MYLK: variants seen among roughly 807,000 people sequenced by gnomAD.
MYLK encodes myosin light chain kinase, smooth muscle.
MYLK carries 106 observed loss-of-function variants against 203.4 expected under a neutral mutation model. That is an observed-to-expected ratio of 0.52 (90% CI 0.45 to 0.61). The LOEUF (loss-of-function observed/expected upper bound fraction) is 0.61, where lower values mean the gene tolerates loss of function less well. MYLK is among the 20% of genes least tolerant of loss of function. MYLK has a pLI of 0.00. For missense variants in MYLK, 2,072 were observed against 2,442.3 expected, an observed-to-expected ratio of 0.85 and a Z score of 3.20; for synonymous variants, 867 against 959.5, an observed-to-expected ratio of 0.90 and a Z score of 1.78.
intron 3 of MYLK, among the ~76,000 whole-genome samples, chr3:123,807,017 C>T (rs567295407): frequency 5.8e-4 from 88 of 152,190 alleles, no homozygotes; most frequent in Middle Eastern, 3.4e-3. Context: ...ACCCGAAGCT[C>T]AAAGACCAGG....
chr3:123,704,747 CAAAAAA>C (rs5852352), intron 16 of MYLK, among the ~76,000 whole-genome samples: 11 of 87,728 alleles, frequency 1.3e-4, no homozygotes, highest in African/African-American at 4.7e-4. Flanking sequence ...ACTAAAAATA[CAAAAAA>C]AAAAAAAAAA....
chr3:123,709,836 G>A lies in MYLK; in HGVS notation c.1862C>T (p.Thr621Ile). Residue 621 changes from threonine to isoleucine, a missense_variant, in exon 14 of 34, where the codon ACT becomes ATT. Thr to Ile is a moderately conservative substitution (Grantham distance 89). This residue lies in a region of MYLK where 865 missense variants were observed against 1,016.0 expected (regional missense o/e 0.85). Coordinates refer to ENST00000360304, the MANE Select transcript of MYLK (RefSeq NM_053025.4). ...YLLPVAPSKP[T>I]APIFLQGLSD... ...GAGGCCCTGCAGGAAGATGGGTGCA[G>A]TGGGCTTGCTGGGAGCCACAGGCAG... 1 of 1,614,242 alleles carries A rather than the reference G, an allele frequency of 6.2e-7. No homozygotes were observed. Among genetic ancestry groups the A allele is most frequent in the Non-Finnish European group, 8.5e-7 (1 of 1,180,048 alleles).
At chr3:123,772,633 AAT>A (rs1199872761) in intron 4 of MYLK, among the ~76,000 whole-genome samples, 1 of 152,116 alleles carries the variant, frequency 6.6e-6, no homozygotes. Context: ...AAATATTTCA[AAT>A]ATATGTGTAA....
At chr3:123,671,969 AGAG>A (rs1368643989) in intron 20 of MYLK, among the ~76,000 whole-genome samples, 1 of 152,136 alleles carries the variant, frequency 6.6e-6, no homozygotes, top group African/African-American at 2.4e-5. Context: ...ATCTCTGGAG[AGAG>A]GAGGCCATCT....
At chr3:123,652,426 T>A (rs1257424283) in intron 24 of MYLK, among the ~76,000 whole-genome samples, 3 of 152,164 alleles carry the variant, frequency 2.0e-5, no homozygotes, top group Non-Finnish European at 4.4e-5. Flanking sequence ...TGGGAGAGGA[T>A]CAGCTGAGTG....
chr3:123,850,192 T>C (rs1482766813), intron 2 of MYLK, among the ~76,000 whole-genome samples: 1 of 152,182 alleles, frequency 6.6e-6, no homozygotes, highest in Non-Finnish European at 1.5e-5. Context: ...TGAATAGTGT[T>C]GCAGTAAACA....
chr3:123,699,545 T>C (rs1201672250), intron 18 of MYLK, among the ~76,000 whole-genome samples: 1 of 152,226 alleles, frequency 6.6e-6, no homozygotes, highest in African/African-American at 2.4e-5. Flanking sequence ...ATCTGGTCAC[T>C]GCACACCGTT....
chr3:123,784,548 A>G (rs1324338192), intron 4 of MYLK, among the ~76,000 whole-genome samples: 1 of 151,642 alleles, frequency 6.6e-6, no homozygotes, highest in Non-Finnish European at 1.5e-5. Context: ...TTCTGTCTCT[A>G]CCTTACCATT....
intron 18 of MYLK, 35 bp from the exon 19 acceptor site, chr3:123,692,886 G>T: frequency 1.3e-6 from 2 of 1,568,886 alleles, no homozygotes; most frequent in Middle Eastern, 3.4e-4. Context: ...AACCAGGTGT[G>T]GTCGTAGTAC....
intron 2 of MYLK, among the ~76,000 whole-genome samples, chr3:123,840,781 A>G (rs2066572977): frequency 6.6e-6 from 1 of 152,062 alleles, no homozygotes; most frequent in Non-Finnish European, 1.5e-5. Flanking sequence ...TTACAGTATC[A>G]ACTTAGTGAC....
At chr3:123,645,061 T>C (rs754792604) in intron 27 of MYLK, among the ~76,000 whole-genome samples, 6 of 152,184 alleles carry the variant, frequency 3.9e-5, no homozygotes, top group South Asian at 4.1e-4. Flanking sequence ...GCTCAAAAAG[T>C]ATTTTTAAGT....
intron 2 of MYLK, among the ~76,000 whole-genome samples, chr3:123,853,219 C>T (rs1201951710): frequency 6.6e-6 from 1 of 152,020 alleles, no homozygotes; most frequent in Non-Finnish European, 1.5e-5. Flanking sequence ...AGAAAATCAT[C>T]CCAACAAAAC....
At chr3:123,628,453 C>T (rs1331350605) in intron 30 of MYLK, among the ~76,000 whole-genome samples, 1 of 152,208 alleles carries the variant, frequency 6.6e-6, no homozygotes, top group African/African-American at 2.4e-5. Flanking sequence ...CATGTCAACA[C>T]CACCCTTCTT....
intron 19 of MYLK, among the ~76,000 whole-genome samples, chr3:123,685,784 G>A (rs2108480684): frequency 6.6e-6 from 1 of 152,256 alleles, no homozygotes; most frequent in East Asian, 1.9e-4. Context: ...TAGGGTGCTG[G>A]GTTTTCACTG....
chr3:123,820,686 CCCTCCTTCCT>C (rs2065904859), intron 3 of MYLK, among the ~76,000 whole-genome samples: 1 of 150,574 alleles, frequency 6.6e-6, no homozygotes, highest in African/African-American at 2.4e-5. Context: ...TTCCTTCCTT[CCCTCCTTCCT>C]TCCTTCCTTC....
At position 123,614,010 on chromosome 3, in the gene MYLK, G is replaced by C. The variant is rs560639262; in HGVS notation, c.*95C>G. 2,709 of 1,462,426 alleles carry C rather than the reference G, an allele frequency of 1.9e-3. 5 individuals are homozygous for C. Among genetic ancestry groups the C allele is most frequent in the Non-Finnish European group, 2.4e-3 (2,525 of 1,063,520 alleles). The allele number at this position is 1,462,426 out of a possible 1,614,324, so 90.6% of individuals were successfully genotyped here. ...CCTAACCGATAATCTATCACACTAG[G>C]TGCTTTTACTATCTTGAGTTTTTTT... On this transcript the variant is annotated 3_prime_UTR_variant, in exon 34 of 34. Transcript: ENST00000360304.
chr3:123,615,910 A>G (rs2057464750), intron 33 of MYLK, among the ~76,000 whole-genome samples: 2 of 152,192 alleles, frequency 1.3e-5, no homozygotes, highest in Admixed American at 1.3e-4. Flanking sequence ...TGGCCTTCCA[A>G]AGTGTTGGGA....
chr3:123,848,810 T>C (rs540683611), intron 2 of MYLK, among the ~76,000 whole-genome samples: 1 of 152,228 alleles, frequency 6.6e-6, no homozygotes, highest in Non-Finnish European at 1.5e-5. Flanking sequence ...AGGACCCTGA[T>C]GGCATAATGG....
chr3:123,638,203 A>G lies in MYLK; in HGVS notation c.4838-9T>C. The stretch of plus-strand genomic sequence containing the variant: ...CAGAGACCCCGCATTCTCTGAAACC[A>G]GGATGGAGAGGGATAAATTGCCAGC... On this transcript the variant is annotated splice_polypyrimidine_tract_variant and intron_variant, in intron 28 of 33. Transcript: ENST00000360304. 3 of 1,613,652 alleles carry G rather than the reference A, an allele frequency of 1.9e-6. No individual in the cohort carries two copies. Among genetic ancestry groups the G allele is most frequent in the Non-Finnish European group, 2.5e-6 (3 of 1,180,018 alleles).
Sources: allele counts gnomAD v4.1 joint callset (sites outside exome capture counted in the v4.1 genomes callset), GRCh38; gene constraint gnomAD v4.1.1; regional missense constraint gnomAD v4.1.1; transcripts MANE v1.5; gene names NCBI Gene and HGNC (gene_info 2026-07-23, HGNC 2026-07-21).